The following NEK7 variants were observed in gnomAD, a reference collection of about 807,000 sequenced individuals.
The protein encoded by NEK7 is serine/threonine-protein kinase Nek7.
NEK7 carries 18 observed loss-of-function variants against 44.6 expected under a neutral mutation model. The ratio of observed to expected loss-of-function variants is 0.40; its 90% CI spans 0.28 to 0.60. The LOEUF (loss-of-function observed/expected upper bound fraction) is 0.60, where lower values mean the gene tolerates loss of function less well. NEK7 is among the 20% of genes least tolerant of loss of function. NEK7 has a pLI of 0.38. For synonymous variants in NEK7, 130 were observed against 121.1 expected (o/e 1.07, Z -0.48); for missense variants, 256 against 366.5 (o/e 0.70, Z 2.46).
chr1:198,298,338 G>T (rs1654773262), intron 9 of NEK7, among the ~76,000 whole-genome samples: 1 of 152,150 alleles, frequency 6.6e-6, no homozygotes, highest in Non-Finnish European at 1.5e-5. Context: ...TATCTCTAAA[G>T]AATTTTCACC....
intron 1 of NEK7, among the ~76,000 whole-genome samples, chr1:198,160,859 G>C (rs1052285377): frequency 2.6e-5 from 4 of 152,108 alleles, no homozygotes; most frequent in Non-Finnish European, 2.9e-5. Flanking sequence ...GTAATTAATA[G>C]TTTGATTATT....
At chr1:198,299,194 G>T (rs1330966078) in intron 9 of NEK7, among the ~76,000 whole-genome samples, 1 of 152,220 alleles carries the variant, frequency 6.6e-6, no homozygotes, top group Non-Finnish European at 1.5e-5. Flanking sequence ...CTAGGTAAAT[G>T]TGGAAAATAA....
intron 2 of NEK7, among the ~76,000 whole-genome samples, chr1:198,242,760 C>A (rs1426933486): frequency 2.6e-5 from 4 of 151,238 alleles, no homozygotes; most frequent in Admixed American, 6.6e-5. Context: ...CCGTGCCTGG[C>A]CAATCTCAGC....
Position 198,224,083 on chromosome 1 carries a change from ATAC to A in NEK7, c.-28-8468_-28-8466del, listed in dbSNP as rs1378781820. ...ACAATGATATGAAATGGTTATTGAAATACTTCTCTTTTTTTCACCTATACATTT... is the reference window on the plus strand; with the variant it reads ...ACAATGATATGAAATGGTTATTGAAATTCTCTTTTTTTCACCTATACATTT... On this transcript the variant is annotated intron_variant, in intron 1 of 9. Transcript: ENST00000367385. Among the ~76,000 whole-genome samples, 21 of 152,286 alleles carry A rather than the reference ATAC, an allele frequency of 1.4e-4. No individual in the cohort carries two copies. The South Asian group carries it at 1.7e-3, about 12-fold the overall frequency.
At chr1:198,313,813 T>C (rs1367502758) in intron 9 of NEK7, among the ~76,000 whole-genome samples, 2 of 151,712 alleles carry the variant, frequency 1.3e-5, no homozygotes, top group East Asian at 1.9e-4. Flanking sequence ...GATCCGCTGT[T>C]AGTCTGATGG....
intron 1 of NEK7, among the ~76,000 whole-genome samples, chr1:198,218,522 A>C (rs111907930): frequency 0.023 from 3,543 of 152,058 alleles, 58 homozygotes; most frequent in African/African-American, 0.047. Context: ...TAAAGAATTT[A>C]TGATAAAGAC....
intron 2 of NEK7, among the ~76,000 whole-genome samples, chr1:198,252,568 A>ATATATATATATATATAT (rs1491101432): frequency 2.2e-4 from 14 of 63,290 alleles, no homozygotes; most frequent in African/African-American, 4.6e-4. Flanking sequence ...ATATATATAT[A>ATATATATATATATATAT]AAAAGTACAT....
chr1:198,302,402 G>A (rs1229308763), intron 9 of NEK7, among the ~76,000 whole-genome samples: 1 of 149,308 alleles, frequency 6.7e-6, no homozygotes, highest in Non-Finnish European at 1.5e-5. Context: ...GGAGGGGAGG[G>A]TTCTTTCTGG....
intron 9 of NEK7, among the ~76,000 whole-genome samples, chr1:198,312,845 A>T (rs1196573225): frequency 1.3e-5 from 2 of 151,622 alleles, no homozygotes; most frequent in African/African-American, 4.9e-5. Flanking sequence ...TGCTGAGGAG[A>T]GCTTTACTTC....
At chr1:198,292,185 A>T (rs1654579352) in intron 7 of NEK7, among the ~76,000 whole-genome samples, 1 of 152,054 alleles carries the variant, frequency 6.6e-6, no homozygotes, top group Admixed American at 6.6e-5. Flanking sequence ...TCAAAGTGTA[A>T]CATATATGCT....
intron 1 of NEK7, among the ~76,000 whole-genome samples, chr1:198,158,977 A>G (rs1664006923): frequency 6.6e-6 from 1 of 152,002 alleles, no homozygotes; most frequent in South Asian, 2.1e-4. Context: ...CCTGCGAAAT[A>G]AAAAGGCAAA....
At chr1:198,163,534 TA>T (rs1158094509) in intron 1 of NEK7, among the ~76,000 whole-genome samples, 1 of 151,824 alleles carries the variant, frequency 6.6e-6, no homozygotes, top group African/African-American at 2.4e-5. Context: ...AAAAAAAAAT[TA>T]AAAAAAGAGA....
chr1:198,205,129 T>G (rs1665556990), intron 1 of NEK7, among the ~76,000 whole-genome samples: 1 of 152,214 alleles, frequency 6.6e-6, no homozygotes, highest in Non-Finnish European at 1.5e-5. Flanking sequence ...GGATCCAATT[T>G]ATACTCAGAA....
intron 2 of NEK7, among the ~76,000 whole-genome samples, chr1:198,243,217 G>T (rs1468907748): frequency 6.6e-6 from 1 of 151,890 alleles, no homozygotes; most frequent in South Asian, 2.1e-4. Context: ...CTATCCACTG[G>T]TTTTCTGTCA....
At chr1:198,291,825 T>C (rs770663885) in intron 7 of NEK7, among the ~76,000 whole-genome samples, 10 of 152,174 alleles carry the variant, frequency 6.6e-5, no homozygotes, top group Admixed American at 2.6e-4. Flanking sequence ...TATAACTTTA[T>C]TCTTTTGGCA....
At chr1:198,294,179 T>C (rs1445641805) in intron 8 of NEK7, among the ~76,000 whole-genome samples, 2 of 151,994 alleles carry the variant, frequency 1.3e-5, no homozygotes, top group Non-Finnish European at 2.9e-5. Context: ...CTACTTAAAA[T>C]GAAAGGATTT....
At chr1:198,157,522 C>T (rs959814537) in intron 1 of NEK7, among the ~76,000 whole-genome samples, 3 of 152,194 alleles carry the variant, frequency 2.0e-5, no homozygotes, top group Non-Finnish European at 4.4e-5. Context: ...TCTAGAGGCC[C>T]GAGGCCGCCA....
chr1:198,273,297 T>C (rs1211144755), intron 5 of NEK7, among the ~76,000 whole-genome samples: 1 of 151,768 alleles, frequency 6.6e-6, no homozygotes, highest in East Asian at 1.9e-4. Context: ...AAAATACTTA[T>C]GCACTGTAAA....
intron 5 of NEK7, among the ~76,000 whole-genome samples, chr1:198,275,498 A>AT (rs71674737): frequency 4.1e-3 from 592 of 144,766 alleles, no homozygotes; most frequent in Non-Finnish European, 5.9e-3. Flanking sequence ...TTGGCATTAG[A>AT]TTTTTTTTTT....
Sources: allele counts gnomAD v4.1 joint callset (sites outside exome capture counted in the v4.1 genomes callset), GRCh38; gene constraint gnomAD v4.1.1; transcripts MANE v1.5; gene names NCBI Gene and HGNC (gene_info 2026-07-23, HGNC 2026-07-21).